Variants in DMD observed in about 807,000 individuals in gnomAD.
DMD encodes dystrophin, also known as mutant dystrophin.
A neutral mutation model predicts 330.1 loss-of-function variants in DMD; 63 were observed. That is an observed-to-expected ratio of 0.19 (90% CI 0.16 to 0.24). The LOEUF (loss-of-function observed/expected upper bound fraction) is 0.24. Among genes scored for constraint, DMD ranks in the 10% least tolerant of loss-of-function variants. The probability of loss-of-function intolerance (pLI) is 1.00; values close to 1 mark genes in which losing one functional copy is unlikely to be tolerated. For synonymous variants in DMD, 1,223 were observed against 959.8 expected, an observed-to-expected ratio of 1.27 and a Z score of -5.07; for missense variants, 3,344 against 2,684.1, an observed-to-expected ratio of 1.25 and a Z score of -5.43.
intron 18 of DMD, among the ~76,000 whole-genome samples, chrX:32,506,182 G>C (rs887337472): frequency 7.2e-5 from 8 of 111,456 alleles, no homozygotes; most frequent in African/African-American, 2.6e-4. Flanking sequence ...AACTTTGGGA[G>C]ATAATGATGT....
At chrX:31,352,150 A>G (rs2058462390) in intron 60 of DMD, among the ~76,000 whole-genome samples, 1 of 111,495 alleles carries the variant, frequency 9.0e-6, no homozygotes, top group South Asian at 3.7e-4. Flanking sequence ...ATGAAACTGC[A>G]GTTGTTCAAC....
intron 4 of DMD, among the ~76,000 whole-genome samples, chrX:32,844,342 T>G (rs5972691): frequency 0.36 from 37,044 of 103,119 alleles, 6,447 homozygotes; most frequent in African/African-American, 0.66. Flanking sequence ...GAAGGCAGAG[T>G]TTGCAGTGAG....
At chrX:33,142,842 A>G (rs112518453) in intron 1 of DMD, among the ~76,000 whole-genome samples, 1,246 of 112,242 alleles carry the variant, frequency 0.011, 15 homozygotes, top group African/African-American at 0.038. Context: ...TGTGCGTGCT[A>G]AAGCATAGGC....
chrX:32,122,994 T>C (rs1411230028), intron 44 of DMD, among the ~76,000 whole-genome samples: 2 of 107,057 alleles, frequency 1.9e-5, no homozygotes, highest in Admixed American at 1.0e-4. Flanking sequence ...GACACCTACA[T>C]GGAAATTTTA....
At chrX:31,659,359 G>C (rs1404671121) in intron 53 of DMD, among the ~76,000 whole-genome samples, 1 of 111,041 alleles carries the variant, frequency 9.0e-6, no homozygotes, top group Non-Finnish European at 1.9e-5. Flanking sequence ...ATGAGAAACA[G>C]GCCGGGTGCG....
At chrX:31,677,169 C>T (rs1011462637) in intron 53 of DMD, among the ~76,000 whole-genome samples, 6 of 110,978 alleles carry the variant, frequency 5.4e-5, no homozygotes, top group African/African-American at 1.6e-4. Flanking sequence ...TTTGACAATG[C>T]AATTGTTTTG....
intron 41 of DMD, among the ~76,000 whole-genome samples, chrX:32,336,029 C>CAT (rs1407471672): frequency 9.4e-5 from 9 of 95,921 alleles, no homozygotes; most frequent in Non-Finnish European, 1.3e-4. Flanking sequence ...GTATATATAA[C>CAT]GTTATATATA....
intron 63 of DMD, among the ~76,000 whole-genome samples, chrX:31,239,973 C>T (rs2048089821): frequency 8.9e-6 from 1 of 112,055 alleles, no homozygotes; most frequent in African/African-American, 3.2e-5. Context: ...TTCTGATGAT[C>T]AGCTTAATTT....
intron 47 of DMD, among the ~76,000 whole-genome samples, chrX:31,879,535 ATGT>A (rs2094025489): frequency 8.9e-6 from 1 of 111,890 alleles, no homozygotes; most frequent in African/African-American, 3.2e-5. Flanking sequence ...CTACCACAAA[ATGT>A]TGTTGAGAAA....
intron 1 of DMD, among the ~76,000 whole-genome samples, chrX:33,075,649 T>C (rs143539119): frequency 2.0e-3 from 227 of 112,486 alleles, no homozygotes; most frequent in Non-Finnish European, 3.1e-3. Flanking sequence ...ATATCTTAGA[T>C]GTTTTGGCAT....
rs1408899435 is a variant in DMD at position 33,267,919 on chromosome X, A to G, written c.7+71340T>C. 2.7e-5 allele frequency among the ~76,000 whole-genome samples: 3 copies of G among 111,636 alleles called. No individual in the cohort carries two copies. The East Asian group carries it at 8.5e-4, about 32-fold the overall frequency. ...AATAAACTCATGGTGGATTAAAGAT[A>G]TTAATGTAAGACCTAAAACTACAAA... is the stretch of plus-strand genomic sequence containing the variant. On this transcript the variant is annotated intron_variant, in intron 1 of 17. Transcript: ENST00000288447.
chrX:32,644,815 C>A (rs2059682510), intron 10 of DMD, 149 bp downstream of exon 10: 1 of 714,363 alleles, frequency 1.4e-6, no homozygotes. Flanking sequence ...CAAAAGAAAA[C>A]TTCAAAATCT....
intron 44 of DMD, among the ~76,000 whole-genome samples, chrX:32,089,430 C>G (rs2096461568): frequency 9.0e-6 from 1 of 111,417 alleles, no homozygotes; most frequent in Non-Finnish European, 1.9e-5. Context: ...TGATCTTCTC[C>G]CTCCACTTGT....
intron 7 of DMD, among the ~76,000 whole-genome samples, chrX:32,793,769 A>G (rs6631645): frequency 0.084 from 9,349 of 111,261 alleles, 904 homozygotes; most frequent in African/African-American, 0.28. Context: ...ATCTTAAAAA[A>G]TTTCCCAACG....
intron 29 of DMD, among the ~76,000 whole-genome samples, chrX:32,423,094 A>C (rs1347104470): frequency 9.0e-6 from 1 of 111,414 alleles, no homozygotes; most frequent in Admixed American, 9.6e-5. Context: ...ACTTCAATCC[A>C]AAAATTTATC....
chrX:32,898,045 G>A, intron 2 of DMD, among the ~76,000 whole-genome samples: 1 of 112,154 alleles, frequency 8.9e-6, no homozygotes, highest in Non-Finnish European at 1.9e-5. Flanking sequence ...AAATGGTTAT[G>A]CTTTGGCTCT....
At chrX:31,349,743 G>C (rs745448723) in intron 60 of DMD, among the ~76,000 whole-genome samples, 1 of 111,899 alleles carries the variant, frequency 8.9e-6, no homozygotes, top group South Asian at 3.8e-4. Context: ...GGTGGCTCCA[G>C]GCATCCTAGC....
chrX:33,109,685 A>C (rs2095324349), intron 1 of DMD, among the ~76,000 whole-genome samples: 1 of 112,036 alleles, frequency 8.9e-6, no homozygotes, highest in African/African-American at 3.2e-5. Flanking sequence ...GTCTGAAAAC[A>C]ACGACGAAGT....
chrX:33,144,431 G>A (rs1202155932), intron 1 of DMD, among the ~76,000 whole-genome samples: 5 of 111,470 alleles, frequency 4.5e-5, no homozygotes, highest in African/African-American at 1.6e-4. Context: ...GAGTAGACTT[G>A]GAATGTTCCC....
Sources: allele counts gnomAD v4.1 joint callset (sites outside exome capture counted in the v4.1 genomes callset), GRCh38; gene constraint gnomAD v4.1.1; transcripts MANE v1.5; gene names NCBI Gene and HGNC (gene_info 2026-07-23, HGNC 2026-07-21).